NLRC3: variants seen among roughly 807,000 people sequenced by gnomAD.
The protein encoded by NLRC3 is NLR family CARD domain-containing protein 3.
In NLRC3, 87 loss-of-function variants were observed where a neutral mutation model predicts 91.6. The ratio of observed to expected loss-of-function variants is 0.95; its 90% CI spans 0.80 to 1.14. The LOEUF (loss-of-function observed/expected upper bound fraction) is 1.14. NLRC3 is among the 50% of genes most tolerant of loss of function. NLRC3 has a pLI of 0.00. For synonymous variants in NLRC3, 694 were observed against 625.3 expected (o/e 1.11, Z -1.64); for missense variants, 1,577 against 1,418.6 (o/e 1.11, Z -1.79).
At position 3,564,824 on chromosome 16, in the gene NLRC3, C is replaced by T; in HGVS notation, c.178+35G>A. ...AGTGGGCACAATCAGCCCAGGTGTT[C>T]CCCACCCCGCGTCTGCCTCCCAAGC... On this transcript the variant is annotated intron_variant, in intron 4 of 19. Transcript: ENST00000359128. This position sits in a 1 kb window ranked among gnomAD's most constrained non-coding sequence, Gnocchi z 5.9. The T allele has an allele frequency of 6.3e-7, 1 of 1,580,104 alleles. No homozygotes were observed. Among genetic ancestry groups the T allele is most frequent in the Non-Finnish European group, 8.6e-7 (1 of 1,164,522 alleles).
chr16:3,558,874 G>T (rs1047032906), intron 6 of NLRC3, among the ~76,000 whole-genome samples: 4 of 152,070 alleles, frequency 2.6e-5, no homozygotes, highest in Non-Finnish European at 5.9e-5. Flanking sequence ...TCGAGCTCAA[G>T]AATCCTCCCA....
chr16:3,544,568 A>T (rs2038591942), intron 15 of NLRC3: 2 of 491,812 alleles, frequency 4.1e-6, no homozygotes, highest in South Asian at 2.9e-5. Flanking sequence ...AGGAAATGGG[A>T]CATATAGAGT....
chr16:3,575,465 G>T (rs1362426919), intron 1 of NLRC3, among the ~76,000 whole-genome samples: 1 of 152,206 alleles, frequency 6.6e-6, no homozygotes, highest in South Asian at 2.1e-4. Flanking sequence ...TGCTTTGGGG[G>T]ATCTGAAGGC....
chr16:3,569,362 T>C (rs1167155761), intron 1 of NLRC3, among the ~76,000 whole-genome samples: 6 of 143,074 alleles, frequency 4.2e-5, no homozygotes, highest in African/African-American at 1.6e-4. Context: ...TCTCTTTATT[T>C]CTGAAAACCA....
At chr16:3,556,412 C>T (rs1424786420) in intron 8 of NLRC3, among the ~76,000 whole-genome samples, 1 of 148,396 alleles carries the variant, frequency 6.7e-6, no homozygotes, top group Non-Finnish European at 1.5e-5. Flanking sequence ...CACACAGGCT[C>T]AAGTCTAGGG....
At chr16:3,572,612 T>C (rs949122357) in intron 1 of NLRC3, among the ~76,000 whole-genome samples, 1 of 152,144 alleles carries the variant, frequency 6.6e-6, no homozygotes, top group African/African-American at 2.4e-5. Flanking sequence ...TAATTCATAG[T>C]GGGTGGAAGT....
chr16:3,571,801 G>A (rs1415628029), intron 1 of NLRC3, among the ~76,000 whole-genome samples: 8 of 151,460 alleles, frequency 5.3e-5, no homozygotes, highest in African/African-American at 1.2e-4. Flanking sequence ...TTAGCTGGGC[G>A]TGGTGGCACG....
chr16:3,551,039 A>C (rs1417982848), intron 10 of NLRC3, among the ~76,000 whole-genome samples: 1 of 151,688 alleles, frequency 6.6e-6, no homozygotes. Context: ...TTACCCATTC[A>C]TCCATCCACT....
intron 2 of NLRC3, among the ~76,000 whole-genome samples, chr16:3,566,961 C>A (rs2039907597): frequency 6.6e-6 from 1 of 152,122 alleles, no homozygotes; most frequent in South Asian, 2.1e-4. Flanking sequence ...AAGGAGGAGT[C>A]AAAAAGGAGA....
At chr16:3,545,024 G>A (rs2038619151) in intron 15 of NLRC3, 1 of 152,398 alleles carries the variant, frequency 6.6e-6, no homozygotes. Flanking sequence ...TTAGGGCTTT[G>A]TGTCATTTTT....
intron 13 of NLRC3, 85 bp downstream of exon 13, chr16:3,549,057 G>T: frequency 9.5e-7 from 1 of 1,047,376 alleles, no homozygotes; most frequent in Non-Finnish European, 1.5e-6. Context: ...CCTGTGACGT[G>T]GCGAGGGTGC....
rs1415200708 is a variant in NLRC3 at position 3,567,336 on chromosome 16, A to T, written c.-168-12T>A. On this transcript the variant is annotated splice_polypyrimidine_tract_variant and intron_variant, in intron 1 of 19. Coordinates refer to ENST00000359128, the MANE Select transcript of NLRC3 (RefSeq NM_178844.4). ...CGTTGTCCACAGTTCTAGGAGAAAAAACACAATGTGGCCAGCAGAGGTGAT... is the reference window on the plus strand; with the variant it reads ...CGTTGTCCACAGTTCTAGGAGAAAATACACAATGTGGCCAGCAGAGGTGAT... 1 of 152,184 alleles carries T rather than the reference A, an allele frequency of 6.6e-6. No individual in the cohort carries two copies. Among genetic ancestry groups the T allele is most frequent in the Non-Finnish European group, 1.5e-5 (1 of 68,058 alleles). 9.4% of individuals were successfully genotyped at this position (152,184 alleles called of 1,614,324 possible). A position where few individuals can be genotyped will look rare whatever the true frequency, so the allele number is the denominator to read the frequency against.
At chr16:3,544,046 T>C in intron 16 of NLRC3, 200 bp downstream of exon 16, 1 of 563,628 alleles carries the variant, frequency 1.8e-6, no homozygotes, top group Non-Finnish European at 3.2e-6. Flanking sequence ...TCCCAACTAC[T>C]GTATGGGAGG....
At chr16:3,546,041 G>C (rs1422227424) in intron 15 of NLRC3, among the ~76,000 whole-genome samples, 1 of 152,128 alleles carries the variant, frequency 6.6e-6, no homozygotes, top group Non-Finnish European at 1.5e-5. Context: ...TGGACGCAGA[G>C]GGAATCGAGT....
intron 1 of NLRC3, among the ~76,000 whole-genome samples, chr16:3,573,416 G>GA (rs1224250282): frequency 1.3e-5 from 2 of 152,210 alleles, no homozygotes; most frequent in Non-Finnish European, 2.9e-5. Context: ...GATAGAGCAA[G>GA]ACCCTGTCTC....
At chr16:3,559,560 G>A (rs949898539) in intron 6 of NLRC3, among the ~76,000 whole-genome samples, 7 of 151,782 alleles carry the variant, frequency 4.6e-5, no homozygotes, top group Non-Finnish European at 1.0e-4. Flanking sequence ...ATTTTGTCAT[G>A]TGCTAAAAAT....
intron 1 of NLRC3, among the ~76,000 whole-genome samples, chr16:3,575,492 G>T (rs1451805366): frequency 6.6e-6 from 1 of 152,244 alleles, no homozygotes; most frequent in Non-Finnish European, 1.5e-5. Flanking sequence ...TCGCTCCACA[G>T]CTGGTTTGAG....
At chr16:3,561,309 T>C (rs1054231551) in intron 6 of NLRC3, among the ~76,000 whole-genome samples, 3 of 152,108 alleles carry the variant, frequency 2.0e-5, no homozygotes, top group Non-Finnish European at 4.4e-5. Context: ...ATCATGCCAC[T>C]ACACTCCAGC....
intron 1 of NLRC3, among the ~76,000 whole-genome samples, chr16:3,571,395 A>G (rs80019822): frequency 6.6e-6 from 1 of 151,488 alleles, no homozygotes; most frequent in African/African-American, 2.4e-5. Context: ...AAAAAAAAAA[A>G]ATAGATGGGG....
Sources: gnomAD v4.1 joint callset for allele counts (sites outside exome capture counted in the v4.1 genomes callset) on GRCh38, gnomAD v4.1.1 for gene constraint, Gnocchi (gnomAD v3.1) non-coding constraint, MANE v1.5 for transcripts, NCBI Gene and HGNC (gene_info 2026-07-23, HGNC 2026-07-21) for gene names.